Variants in BAZ1B observed in about 807,000 individuals in gnomAD.
The protein encoded by BAZ1B is bromodomain adjacent to zinc finger domain 1B.
In BAZ1B, 22 loss-of-function variants were observed where a neutral mutation model predicts 153.8. The observed-to-expected ratio is 0.14, with a 90% CI of 0.10 to 0.20. The LOEUF (loss-of-function observed/expected upper bound fraction) is 0.20, where lower values mean the gene tolerates loss of function less well. Among genes scored for constraint, BAZ1B ranks in the 10% least tolerant of loss-of-function variants. BAZ1B has a pLI of 1.00. For synonymous variants in BAZ1B, 676 were observed against 633.4 expected (o/e 1.07, Z -1.01); for missense variants, 1,325 against 1,799.3 (o/e 0.74, Z 4.77).
intron 18 of BAZ1B, 83 bp from the exon 19 acceptor site, chr7:73,442,636 G>A (rs1190172821): frequency 1.3e-6 from 2 of 1,552,644 alleles, no homozygotes; most frequent in Non-Finnish European, 1.7e-6. Flanking sequence ...AAAAGCAAGG[G>A]CTTGGCTGAG....
rs554787239 is a variant in BAZ1B, at chr7:73,469,723, G to T, written c.2733-73C>A. ...GCAGGATGATTTTACTGCTGGAGAA[G>T]ATAATACAGAGTATCACTGAGCATT... On this transcript the variant is annotated intron_variant, in intron 8 of 19. Transcript: ENST00000339594. 88 of 1,545,080 alleles carry T rather than the reference G, an allele frequency of 5.7e-5. No homozygotes were observed. The African/African-American group carries it at 1.1e-3, about 19-fold the overall frequency.
intron 13 of BAZ1B, among the ~76,000 whole-genome samples, chr7:73,451,362 CCAATA>C (rs1474539826): frequency 6.6e-6 from 1 of 152,198 alleles, no homozygotes; most frequent in Non-Finnish European, 1.5e-5. Flanking sequence ...CACCACCAAT[CCAATA>C]CCACAGCTGG....
chr7:73,460,370 GTAAAA>G (rs1381322542), intron 12 of BAZ1B, among the ~76,000 whole-genome samples: 1 of 152,042 alleles, frequency 6.6e-6, no homozygotes, highest in Non-Finnish European at 1.5e-5. Context: ...CACTAAGAAA[GTAAAA>G]TAAAAATTCA....
rs1787609214 is a variant in BAZ1B, at chr7:73,441,358, C to T, written c.*351G>A. 3 of 152,454 alleles carry T rather than the reference C, an allele frequency of 2.0e-5. No individual in the cohort carries two copies. The allele number at this position is 152,454 out of a possible 1,614,324, so 9.4% of individuals were successfully genotyped here. A position where few individuals can be genotyped will look rare whatever the true frequency, so the allele number is the denominator to read the frequency against. On this transcript the variant is annotated 3_prime_UTR_variant, in exon 20 of 20. Coordinates refer to ENST00000339594, the MANE Select transcript of BAZ1B (RefSeq NM_032408.4). ...AAAAAAAAAATTAAACATTTAAATT[C>T]TTCCTGCTTTTCTTCTGCTCCCCTA...
chr7:73,476,560 T>A (rs1223035010), intron 7 of BAZ1B, among the ~76,000 whole-genome samples: 1 of 152,172 alleles, frequency 6.6e-6, no homozygotes, highest in African/African-American at 2.4e-5. Context: ...TGAACCCAGG[T>A]CAGTCAACTC....
intron 10 of BAZ1B, 83 bp from the exon 11 acceptor site, chr7:73,465,620 G>A: frequency 1.2e-6 from 1 of 837,184 alleles, no homozygotes; most frequent in South Asian, 1.8e-5. Flanking sequence ...TCTAGAGTTG[G>A]TGGTGGGACT....
At position 73,514,275 on chromosome 7, in the gene BAZ1B, A is replaced by C. The variant is rs572713698; in HGVS notation, c.108-3423T>G. On this transcript the variant is annotated intron_variant, in intron 1 of 19. Transcript: ENST00000339594. ...GCCAGGCACAGTGGCTCATGCCTAT[A>C]ATCCTGGCATTTTGGGAGGCCAAGG... Among the ~76,000 whole-genome samples, 13 of 152,298 alleles carry C rather than the reference A, an allele frequency of 8.5e-5. 1 individual carries two copies. The South Asian group carries it at 2.7e-3, about 32-fold the overall frequency.
intron 7 of BAZ1B, among the ~76,000 whole-genome samples, chr7:73,475,949 A>G (rs12155339): frequency 0.049 from 7,343 of 149,848 alleles, 210 homozygotes; most frequent in Non-Finnish European, 0.066. Context: ...AAAATGTTTT[A>G]GAACTAAATA....
rs2116274367 is a variant in BAZ1B, at chr7:73,459,686, A to G, written c.3282T>C (p.Gly1094=). ...TGGCCTGAAGGGCAATCACACACTC[A>G]CCAAAATCCTTCAATTTCTCTAATG... ...VISLEKLKDF[G]ECVIALQASV... The change falls in exon 13 of 20, where the codon GGT becomes GGC. Residue 1094 remains glycine (G), a synonymous_variant. Transcript: ENST00000339594. 1 of 1,606,830 alleles carries G rather than the reference A, an allele frequency of 6.2e-7. No homozygotes were observed.
chr7:73,447,462 G>T, intron 15 of BAZ1B, 83 bp from the exon 16 acceptor site: 1 of 1,474,246 alleles, frequency 6.8e-7, no homozygotes, highest in Non-Finnish European at 9.1e-7. Flanking sequence ...CAGGGATCAG[G>T]AAACTTCTCT....
Position 73,522,168 on chromosome 7 carries a change from C to A in BAZ1B, c.-235G>T. ...CACCGCCGCGCCTCCCAGCAGCCCC[C>A]CGCCGACCTCCGCTTCGGGTCCCGG... On this transcript the variant is annotated 5_prime_UTR_variant, in exon 1 of 20. Coordinates refer to ENST00000339594, the MANE Select transcript of BAZ1B (RefSeq NM_032408.4). The A allele has an allele frequency of 2.5e-6, 1 of 395,622 alleles. No homozygotes were observed. The highest frequency in any genetic ancestry group is 1.3e-4 in the South Asian group (1 of 7,854). 24.5% of individuals were successfully genotyped at this position (395,622 alleles called of 1,614,324 possible). A position where few individuals can be genotyped will look rare whatever the true frequency, so the allele number is the denominator to read the frequency against.
intron 17 of BAZ1B, among the ~76,000 whole-genome samples, chr7:73,443,076 C>T (rs1292682171): frequency 6.6e-6 from 1 of 152,160 alleles, no homozygotes; most frequent in Admixed American, 6.5e-5. Flanking sequence ...GAGCAGGCAG[C>T]GGGGGCCGCC....
chr7:73,472,558 C>T (rs1222249377), intron 7 of BAZ1B, among the ~76,000 whole-genome samples: 1 of 152,096 alleles, frequency 6.6e-6, no homozygotes, highest in Non-Finnish European at 1.5e-5. Context: ...TGCGCCCGGC[C>T]GCAGTTATAC....
chr7:73,491,548 G>A (rs1583929465), intron 5 of BAZ1B, among the ~76,000 whole-genome samples: 3 of 152,076 alleles, frequency 2.0e-5, no homozygotes, highest in Middle Eastern at 3.4e-3. Flanking sequence ...GCAGTGAGCC[G>A]AGATTGCGCC....
intron 7 of BAZ1B, among the ~76,000 whole-genome samples, chr7:73,475,646 GGTGGCTGGCCGGGCACA>G (rs1263043184): frequency 6.6e-6 from 1 of 152,044 alleles, no homozygotes; most frequent in Non-Finnish European, 1.5e-5. Context: ...GGCCCGGCAT[GGTGGCTGGCCGGGCACA>G]GTGGCTCACG....
chr7:73,521,752 C>G, intron 1 of BAZ1B, 75 bp downstream of exon 1: 1 of 1,294,304 alleles, frequency 7.7e-7, no homozygotes, highest in South Asian at 1.4e-5. Flanking sequence ...GCGCGGCTGA[C>G]CTGGTCTCGC....
intron 16 of BAZ1B, among the ~76,000 whole-genome samples, chr7:73,446,187 C>T (rs1336840803): frequency 1.3e-5 from 2 of 152,170 alleles, no homozygotes; most frequent in East Asian, 3.8e-4. Context: ...ACTCCTTATA[C>T]CAAGTATGAC....
chr7:73,466,260 A>C (rs1415549847), intron 10 of BAZ1B, 36 bp downstream of exon 10: 1 of 1,469,082 alleles, frequency 6.8e-7, no homozygotes, highest in Non-Finnish European at 9.5e-7. Context: ...AATTAAAAGG[A>C]AAAAGAAAGA....
intron 8 of BAZ1B, among the ~76,000 whole-genome samples, chr7:73,469,989 G>A (rs552156943): frequency 6.6e-6 from 1 of 152,200 alleles, no homozygotes; most frequent in Admixed American, 6.5e-5. Flanking sequence ...TTACAGGTGT[G>A]AACCACCACG....
Sources: gnomAD v4.1 joint callset for allele counts (sites outside exome capture counted in the v4.1 genomes callset) on GRCh38, gnomAD v4.1.1 for gene constraint, MANE v1.5 for transcripts, NCBI Gene and HGNC (gene_info 2026-07-23, HGNC 2026-07-21) for gene names.